ARHGAP26: variants seen among roughly 807,000 people sequenced by gnomAD.
The protein encoded by ARHGAP26 is rho GTPase-activating protein 26.
A neutral mutation model predicts 104.8 loss-of-function variants in ARHGAP26; 38 were observed. That is an observed-to-expected ratio of 0.36 (90% CI 0.28 to 0.48). The LOEUF (loss-of-function observed/expected upper bound fraction) is 0.48. Ranked by LOEUF, ARHGAP26 falls within the 20% of genes least tolerant of loss-of-function variation. The probability of loss-of-function intolerance (pLI) is 0.99; values close to 1 mark genes in which losing one functional copy is unlikely to be tolerated. For missense variants in ARHGAP26, 704 were observed against 947.9 expected, an observed-to-expected ratio of 0.74 and a Z score of 3.38; for synonymous variants, 341 against 340.0, an observed-to-expected ratio of 1.00 and a Z score of -0.03.
At chr5:142,830,081 A>C (rs1768093971) in intron 1 of ARHGAP26, among the ~76,000 whole-genome samples, 1 of 152,198 alleles carries the variant, frequency 6.6e-6, no homozygotes, top group Non-Finnish European at 1.5e-5. Context: ...GTGTGAGTTA[A>C]GTCATTTCCC....
In ARHGAP26 at chr5:143,197,414, CTATT is replaced by C. The variant is rs565514839; in HGVS notation, c.1989-9781_1989-9778del. ...GGTATTTCCAGCATTTTGATGTTAG[CTATT>C]TAGTCATTCTGGTGGGTGTGCAGTA... On this transcript the variant is annotated intron_variant, in intron 20 of 22. Coordinates refer to ENST00000645722, the MANE Select transcript of ARHGAP26 (RefSeq NM_001135608.3). Among the ~76,000 whole-genome samples the C allele has an allele frequency of 3.4e-3, 517 of 152,252 alleles. 2 individuals are homozygous for C. The highest frequency in any genetic ancestry group is 0.012 in the African/African-American group (503 of 41,544).
intron 19 of ARHGAP26, among the ~76,000 whole-genome samples, chr5:143,142,670 A>C (rs1340692540): frequency 6.6e-6 from 1 of 152,192 alleles, no homozygotes; most frequent in Non-Finnish European, 1.5e-5. Context: ...CAAGAGCTAC[A>C]GGGGGTAAAA....
chr5:143,012,743 T>A (rs1231968051), intron 11 of ARHGAP26, among the ~76,000 whole-genome samples: 1 of 149,510 alleles, frequency 6.7e-6, no homozygotes, highest in Admixed American at 6.8e-5. Context: ...AAGCTCGACC[T>A]CCTGGGTTCA....
chr5:142,984,392 G>A (rs1774375755), intron 11 of ARHGAP26, among the ~76,000 whole-genome samples: 1 of 152,182 alleles, frequency 6.6e-6, no homozygotes, highest in African/African-American at 2.4e-5. Context: ...TGTCACACTT[G>A]TTTCTAAATA....
At chr5:142,816,325 A>G (rs1161903601) in intron 1 of ARHGAP26, among the ~76,000 whole-genome samples, 8 of 152,180 alleles carry the variant, frequency 5.3e-5, no homozygotes, top group Non-Finnish European at 1.5e-5. Context: ...GAGTGAATGG[A>G]TATCATTTTG....
chr5:142,930,650 C>T (rs1764582786), intron 10 of ARHGAP26, among the ~76,000 whole-genome samples: 1 of 152,024 alleles, frequency 6.6e-6, no homozygotes, highest in African/African-American at 2.4e-5. Flanking sequence ...TGCTCGTTTG[C>T]ATGCTTTCCC....
intron 17 of ARHGAP26, among the ~76,000 whole-genome samples, chr5:143,063,853 C>T (rs1210052604): frequency 2.6e-5 from 4 of 152,180 alleles, no homozygotes; most frequent in South Asian, 2.1e-4. Context: ...TTTGCTTGTT[C>T]GTCTCTTTTA....
Position 143,225,440 on chromosome 5 carries a change from C to A in ARHGAP26, c.*2994C>A, listed in dbSNP as rs147171803. On this transcript the variant is annotated 3_prime_UTR_variant, in exon 23 of 23. Transcript: ENST00000645722. Reference sequence around the variant, plus strand: ...CTGACCTCAAGTGATCTGCCCACTTCAGACCCCCAAAGTGCTGGGATTCCA... The same window carrying A: ...CTGACCTCAAGTGATCTGCCCACTTAAGACCCCCAAAGTGCTGGGATTCCA... The A allele has an allele frequency of 6.1e-4, 118 of 194,568 alleles. 1 individual carries two copies. In the East Asian group the frequency reaches 7.0e-3, roughly 12 times the overall value. The allele number at this position is 194,568 out of a possible 1,614,324, so 12.1% of individuals were successfully genotyped here. A position where few individuals can be genotyped will look rare whatever the true frequency, so the allele number is the denominator to read the frequency against.
At chr5:142,963,183 T>TATATATATATATAC (rs1562164532) in intron 11 of ARHGAP26, among the ~76,000 whole-genome samples, 19 of 107,422 alleles carry the variant, frequency 1.8e-4, no homozygotes, top group African/African-American at 9.7e-4. Context: ...TATATATATA[T>TATATATATATATAC]ATATATATAT....
In ARHGAP26 at chr5:143,224,985, C is replaced by G. The variant is rs1811542030; in HGVS notation, c.*2539C>G. 9.0e-6 allele frequency: 2 copies of G among 222,726 alleles called. No homozygotes were observed. The highest frequency in any genetic ancestry group is 1.8e-5 in the Non-Finnish European group (2 of 111,576). The allele number at this position is 222,726 out of a possible 1,614,324, so 13.8% of individuals were successfully genotyped here. A position where few individuals can be genotyped will look rare whatever the true frequency, so the allele number is the denominator to read the frequency against. The stretch of plus-strand genomic sequence containing the variant: ...TCAGGGAATGAGAATTAAGAATGGA[C>G]AGGACCAAGACAGAACTCAAGAAAG... On this transcript the variant is annotated 3_prime_UTR_variant, in exon 23 of 23. Transcript: ENST00000645722.
intron 17 of ARHGAP26, among the ~76,000 whole-genome samples, chr5:143,103,944 T>A (rs897346914): frequency 1.4e-4 from 21 of 150,480 alleles, no homozygotes; most frequent in African/African-American, 4.4e-4. Context: ...ATAATAAAAA[T>A]ATATATATAT....
intron 20 of ARHGAP26, among the ~76,000 whole-genome samples, chr5:143,178,172 G>A (rs1473480245): frequency 2.6e-5 from 4 of 151,820 alleles, no homozygotes; most frequent in Admixed American, 1.3e-4. Context: ...GCTAATTTTT[G>A]TATTTTCAGT....
intron 15 of ARHGAP26, among the ~76,000 whole-genome samples, chr5:143,055,749 A>G (rs1312596546): frequency 1.3e-5 from 2 of 152,236 alleles, no homozygotes; most frequent in African/African-American, 4.8e-5. Flanking sequence ...TCACTGACTG[A>G]AAAGGAAATC....
intron 1 of ARHGAP26, among the ~76,000 whole-genome samples, chr5:142,774,210 A>G (rs932390546): frequency 6.6e-6 from 1 of 152,242 alleles, no homozygotes; most frequent in Non-Finnish European, 1.5e-5. Flanking sequence ...CATTTTGAAT[A>G]TTACTCATAC....
At chr5:142,986,226 G>A (rs542225534) in intron 11 of ARHGAP26, among the ~76,000 whole-genome samples, 10 of 152,276 alleles carry the variant, frequency 6.6e-5, no homozygotes, top group African/African-American at 1.9e-4. Flanking sequence ...GTATCTCATT[G>A]TGGTTTTGAT....
chr5:142,980,083 A>G (rs1293201763), intron 11 of ARHGAP26, among the ~76,000 whole-genome samples: 3 of 151,542 alleles, frequency 2.0e-5, no homozygotes, highest in Non-Finnish European at 4.4e-5. Context: ...CCAGGTAACC[A>G]CTCTTCTGAC....
chr5:142,917,875 A>G (rs560351696), intron 10 of ARHGAP26, among the ~76,000 whole-genome samples: 3 of 150,908 alleles, frequency 2.0e-5, no homozygotes, highest in Non-Finnish European at 4.4e-5. Flanking sequence ...TTTTTTTTTA[A>G]TCCAGGACAG....
chr5:143,167,368 G>C (rs532325514), intron 20 of ARHGAP26, among the ~76,000 whole-genome samples: 1 of 146,436 alleles, frequency 6.8e-6, no homozygotes, highest in East Asian at 2.0e-4. Context: ...TGTAATCCCA[G>C]CTACTCGGGA....
chr5:142,776,326 A>G (rs896286370), intron 1 of ARHGAP26, among the ~76,000 whole-genome samples: 2 of 152,298 alleles, frequency 1.3e-5, no homozygotes, highest in South Asian at 4.1e-4. Flanking sequence ...GAGTTATGCA[A>G]CCATCATCCT....
Sources: allele counts gnomAD v4.1 joint callset (sites outside exome capture counted in the v4.1 genomes callset), GRCh38; gene constraint gnomAD v4.1.1; transcripts MANE v1.5; gene names NCBI Gene and HGNC (gene_info 2026-07-23, HGNC 2026-07-21).